Variants in OPA3 observed in about 807,000 individuals in gnomAD.
OPA3 encodes the protein optic atrophy 3 protein.
A neutral mutation model predicts 4.0 loss-of-function variants in OPA3; 6 were observed. The ratio of observed to expected loss-of-function variants is 1.51; its 90% CI spans 0.83 to 2.99. The LOEUF is 2.99. Ranked by LOEUF, OPA3 falls within the 30% of genes most tolerant of loss-of-function variation. The probability of loss-of-function intolerance (pLI) is 0.00; values close to 1 mark genes in which losing one functional copy is unlikely to be tolerated. For synonymous variants in OPA3, 105 were observed against 117.1 expected, an observed-to-expected ratio of 0.90 and a Z score of 0.67; for missense variants, 235 against 256.2, an observed-to-expected ratio of 0.92 and a Z score of 0.56.
At chr19:45,530,835 C>T (rs1040380957) in intron 1 of OPA3, among the ~76,000 whole-genome samples, 9 of 150,018 alleles carry the variant, frequency 6.0e-5, no homozygotes, top group Admixed American at 3.3e-4. Context: ...GATCTTGGCT[C>T]GCTGCAGCCT....
At chr19:45,559,651 C>T (rs1249572124) in intron 1 of OPA3, among the ~76,000 whole-genome samples, 1 of 152,028 alleles carries the variant, frequency 6.6e-6, no homozygotes, top group Non-Finnish European at 1.5e-5. Context: ...GATCCACCCG[C>T]CTCAGCCTCC....
At chr19:45,563,596 C>T (rs536268685) in intron 1 of OPA3, among the ~76,000 whole-genome samples, 12 of 152,170 alleles carry the variant, frequency 7.9e-5, no homozygotes, top group East Asian at 7.7e-4. Context: ...CACTCTGTCA[C>T]CCAGACTGAA....
At chr19:45,534,124 G>A (rs980242188) in intron 1 of OPA3, among the ~76,000 whole-genome samples, 5 of 152,062 alleles carry the variant, frequency 3.3e-5, no homozygotes, top group Admixed American at 6.6e-5. Flanking sequence ...GAAAACACTT[G>A]TAATGTTATC....
At chr19:45,560,049 C>T (rs945276377) in intron 1 of OPA3, among the ~76,000 whole-genome samples, 3 of 152,154 alleles carry the variant, frequency 2.0e-5, no homozygotes, top group African/African-American at 7.2e-5. Context: ...AAATGTTAAC[C>T]TAATATCCTC....
downstream of OPA3, among the ~76,000 whole-genome samples, chr19:45,542,467 A>G (rs547436661): frequency 6.6e-6 from 1 of 152,162 alleles, no homozygotes; most frequent in Non-Finnish European, 1.5e-5. Context: ...CTAGGCTATA[A>G]ACCTAAACAG....
In OPA3 at chr19:45,584,732, C is replaced by T. The variant is rs148805518; in HGVS notation, c.33G>A (p.Leu11=). The change falls in exon 1 of 2, where the codon CTG becomes CTA. Residue 11 remains leucine (L), a synonymous_variant. Transcript: ENST00000263275. Reference sequence around the variant, plus strand: ...TGACCTGCCGGATGCCCAAGTATAGCAGCTTCGCCATAGGGAACGCGCCCA... The same window carrying T: ...TGACCTGCCGGATGCCCAAGTATAGTAGCTTCGCCATAGGGAACGCGCCCA... MVVGAFPMAK[L]LYLGIRQVSK... 14 of 1,614,026 alleles carry T rather than the reference C, an allele frequency of 8.7e-6. No homozygotes were observed. The highest frequency in any genetic ancestry group is 1.2e-5 in the Non-Finnish European group (14 of 1,180,052).
chr19:45,561,270 T>A (rs926118549), intron 1 of OPA3, among the ~76,000 whole-genome samples: 2 of 151,492 alleles, frequency 1.3e-5, no homozygotes, highest in African/African-American at 4.9e-5. Context: ...GAGGTGGAGG[T>A]TACGGTGAGC....
intron 1 of OPA3, among the ~76,000 whole-genome samples, chr19:45,573,499 G>A (rs1393647157): frequency 6.6e-6 from 1 of 152,018 alleles, no homozygotes. Flanking sequence ...AACATGTACA[G>A]AGTACTTGAG....
chr19:45,535,343 T>C lies in OPA3; in HGVS notation c.143-5887A>G, dbSNP rs149905533. Among the ~76,000 whole-genome samples the C allele has an allele frequency of 7.2e-3, 1,097 of 151,808 alleles. 9 individuals are homozygous for C. Among genetic ancestry groups the C allele is most frequent in the African/African-American group, 0.024 (985 of 41,364 alleles). ...GGAATAAACTGATTTCCGTACCTTATATGCAGTGATCTTGATAAATTATTA... is the reference window on the plus strand; with the variant it reads ...GGAATAAACTGATTTCCGTACCTTACATGCAGTGATCTTGATAAATTATTA... On this transcript the variant is annotated intron_variant, in intron 1 of 1. Coordinates refer to the OPA3 transcript ENST00000323060.
rs1341067241 is a variant in OPA3, at chr19:45,551,788, T to C, written c.*1726A>G. 1 of 985,364 alleles carries C rather than the reference T, an allele frequency of 1.0e-6. No individual in the cohort carries two copies. The highest frequency in any genetic ancestry group is 1.2e-6 in the Non-Finnish European group (1 of 829,990). 61.0% of individuals were successfully genotyped at this position (985,364 alleles called of 1,614,324 possible). ...AGGGTACTGCTACATGAAGACAGGC[T>C]GTCGGGTCAGTCCAGAGCTCCGAGG... is the stretch of plus-strand genomic sequence containing the variant. On this transcript the variant is annotated 3_prime_UTR_variant, in exon 2 of 2. Transcript: ENST00000263275.
At chr19:45,544,979 G>A (rs186138120), downstream of OPA3, among the ~76,000 whole-genome samples, 46 of 145,812 alleles carry the variant, frequency 3.2e-4, no homozygotes, top group East Asian at 8.6e-3. Context: ...GGAAAATTCC[G>A]TCTCAAAAAA....
chr19:45,578,337 T>C (rs1969797664), intron 1 of OPA3, among the ~76,000 whole-genome samples: 1 of 152,164 alleles, frequency 6.6e-6, no homozygotes, highest in Non-Finnish European at 1.5e-5. Context: ...CTGCAGACTC[T>C]GCACTTGATG....
chr19:45,562,520 C>G (rs1003070636), intron 1 of OPA3, among the ~76,000 whole-genome samples: 11 of 105,908 alleles, frequency 1.0e-4, no homozygotes, highest in Non-Finnish European at 1.7e-4. Flanking sequence ...GAAACCCTGT[C>G]TCTACTAAAA....
Position 45,557,463 on chromosome 19 carries a change from G to T in OPA3, c.143-3552C>A, listed in dbSNP as rs556127684. Among the ~76,000 whole-genome samples the T allele has an allele frequency of 1.2e-4, 19 of 152,228 alleles. No individual in the cohort carries two copies. In the South Asian group the frequency reaches 3.7e-3, roughly 30 times the overall value. On this transcript the variant is annotated intron_variant, in intron 1 of 1. Transcript: ENST00000263275. ...CTAAGCTGGAGGACTCACCAGACTT[G>T]CGGGGGTCAACACGCTCCAGATGTC...
exon 2 of OPA3, chr19:45,529,260 C>G (rs773488519): frequency 6.2e-7 from 1 of 1,613,892 alleles, no homozygotes; most frequent in South Asian, 1.1e-5. Flanking sequence ...CACGTCGCTC[C>G]TTTTCCTTGC....
intron 1 of OPA3, among the ~76,000 whole-genome samples, chr19:45,581,223 G>A (rs936170296): frequency 6.6e-6 from 1 of 152,082 alleles, no homozygotes; most frequent in Non-Finnish European, 1.5e-5. Flanking sequence ...AAGAGCTGCA[G>A]CCCCAACAAA....
intron 1 of OPA3, among the ~76,000 whole-genome samples, chr19:45,569,873 G>A (rs920967453): frequency 3.9e-5 from 6 of 152,126 alleles, no homozygotes; most frequent in African/African-American, 1.4e-4. Context: ...ACACCACTGA[G>A]CCACCAAACC....
rs1486914756 is a variant in OPA3, at chr19:45,547,482, A to G, written c.*6032T>C. 6.6e-6 allele frequency: 1 copy of G among 152,316 alleles called. No homozygotes were observed. The highest frequency in any genetic ancestry group is 2.4e-5 in the African/African-American group (1 of 41,446). The allele number at this position is 152,316 out of a possible 1,614,324, so 9.4% of individuals were successfully genotyped here. A position where few individuals can be genotyped will look rare whatever the true frequency, so the allele number is the denominator to read the frequency against. On this transcript the variant is annotated 3_prime_UTR_variant, in exon 2 of 2. Coordinates refer to ENST00000263275, the MANE Select transcript of OPA3 (RefSeq NM_025136.4). ...GCCTTGGTCAGCGAGCCTCTGCTCT[A>G]TTCTGACAGCCAGAAACTCTTGCTG...
At chr19:45,532,746 T>C (rs1969072927) in intron 1 of OPA3, among the ~76,000 whole-genome samples, 1 of 152,162 alleles carries the variant, frequency 6.6e-6, no homozygotes, top group Admixed American at 6.6e-5. Flanking sequence ...TATTTTATTT[T>C]ATTTTATTTT....
Sources: gnomAD v4.1 joint callset for allele counts (sites outside exome capture counted in the v4.1 genomes callset) on GRCh38, gnomAD v4.1.1 for gene constraint, MANE v1.5 for transcripts, NCBI Gene and HGNC (gene_info 2026-07-23, HGNC 2026-07-21) for gene names.